The following HAPSTR1 variants were observed in gnomAD, a reference collection of about 807,000 sequenced individuals.
HAPSTR1 encodes the protein HUWE1-associated protein modifying stress responses 1.
At chr16:9,092,803 T>C in the HAPSTR1 span, 28 of 1,099,942 alleles carry the variant, frequency 2.5e-5, no homozygotes, top group South Asian at 4.2e-4. Context: ...TGGCGAAACC[T>C]AATATGGCCG....
At chr16:9,119,786 T>C in the HAPSTR1 span, 1 of 152,242 alleles carries the variant, frequency 6.6e-6, no homozygotes, top group South Asian at 2.1e-4. Context: ...TAAAAAAGAA[T>C]TAGCTTTCTA....
the HAPSTR1 span, among the ~76,000 whole-genome samples, chr16:9,096,343 T>A: frequency 5.3e-5 from 8 of 152,228 alleles, no homozygotes; most frequent in African/African-American, 1.4e-4. Flanking sequence ...TCTGTCTTTT[T>A]AAAAATTTTT....
chr16:9,106,188 C>T, the HAPSTR1 span: 2 of 152,002 alleles, frequency 1.3e-5, no homozygotes. Context: ...GTGGGTGGAT[C>T]ACTTGAGGTC....
chr16:9,092,578 C>T, the HAPSTR1 span, among the ~76,000 whole-genome samples: 3 of 152,136 alleles, frequency 2.0e-5, no homozygotes, highest in South Asian at 2.1e-4. Flanking sequence ...AGGAGGAGCC[C>T]CCGTCACAAA....
chr16:9,092,042 A>C, the HAPSTR1 span: 2 of 1,504,984 alleles, frequency 1.3e-6, no homozygotes, highest in African/African-American at 2.9e-5. Flanking sequence ...GAGGCCGCGG[A>C]GGATGGAGGA....
the HAPSTR1 span, among the ~76,000 whole-genome samples, chr16:9,114,050 T>C: frequency 9.2e-5 from 14 of 152,296 alleles, no homozygotes; most frequent in East Asian, 1.7e-3. Context: ...TGAAAAGATA[T>C]TTTCTATAGG....
chr16:9,115,570 T>G, the HAPSTR1 span, among the ~76,000 whole-genome samples: 1 of 152,152 alleles, frequency 6.6e-6, no homozygotes, highest in Non-Finnish European at 1.5e-5. Flanking sequence ...TGTAAGAGTT[T>G]AAGGAAAGGA....
chr16:9,093,964 T>A, the HAPSTR1 span, among the ~76,000 whole-genome samples: 1 of 152,152 alleles, frequency 6.6e-6, no homozygotes, highest in Non-Finnish European at 1.5e-5. Flanking sequence ...ACTTTGTGCA[T>A]TTCAAAAATA....
chr16:9,117,253 T>C, the HAPSTR1 span: 3 of 227,618 alleles, frequency 1.3e-5, no homozygotes, highest in East Asian at 1.1e-4. Flanking sequence ...TATTTGGTTA[T>C]AGAATGCTTT....
At chr16:9,099,552 A>AT in the HAPSTR1 span, among the ~76,000 whole-genome samples, 2 of 152,158 alleles carry the variant, frequency 1.3e-5, no homozygotes, top group Non-Finnish European at 2.9e-5. Context: ...TTAGATTGAC[A>AT]TTTCAGTGCT....
chr16:9,117,275 G>A, the HAPSTR1 span: 3 of 206,894 alleles, frequency 1.5e-5, no homozygotes, highest in South Asian at 7.4e-5. Context: ...TTTTTTTTTG[G>A]GTCCATTTCC....
the HAPSTR1 span, among the ~76,000 whole-genome samples, chr16:9,114,185 G>A: frequency 1.3e-5 from 2 of 152,106 alleles, no homozygotes; most frequent in Non-Finnish European, 2.9e-5. Flanking sequence ...TTTTGATGGT[G>A]TTGAGTTTGA....
the HAPSTR1 span, chr16:9,093,054 G>A: frequency 6.6e-7 from 1 of 1,520,022 alleles, no homozygotes; most frequent in Admixed American, 1.8e-5. Flanking sequence ...CCTGCGTCAG[G>A]GTGTCTGCCC....
the HAPSTR1 span, chr16:9,120,940 A>G: frequency 1.3e-5 from 2 of 152,172 alleles, no homozygotes; most frequent in African/African-American, 4.8e-5. Context: ...TGCAGGTTAC[A>G]GATTTTTTAT....
the HAPSTR1 span, among the ~76,000 whole-genome samples, chr16:9,115,652 C>T: frequency 3.1e-3 from 466 of 152,216 alleles, 1 homozygote; most frequent in African/African-American, 0.011. Context: ...GACGGAGTTT[C>T]GCTCTTGTCA....
chr16:9,096,504 A>G, the HAPSTR1 span, among the ~76,000 whole-genome samples: 1 of 152,174 alleles, frequency 6.6e-6, no homozygotes, highest in Non-Finnish European at 1.5e-5. Context: ...CCCTCTTTAT[A>G]TGTCTCACTT....
the HAPSTR1 span, chr16:9,104,950 G>T: frequency 6.6e-6 from 1 of 152,074 alleles, no homozygotes; most frequent in African/African-American, 2.4e-5. Context: ...TTCTCTTAAG[G>T]TATCTTTTTA....
chr16:9,120,456 G>C, the HAPSTR1 span: 2 of 152,062 alleles, frequency 1.3e-5, no homozygotes, highest in Non-Finnish European at 2.9e-5. Flanking sequence ...GATGGGATGA[G>C]ATATCCAGGG....
the HAPSTR1 span, chr16:9,109,188 G>T: frequency 6.6e-6 from 1 of 152,144 alleles, no homozygotes; most frequent in African/African-American, 2.4e-5. Context: ...TGGTTACGTT[G>T]TCTGTCTCCT....
Sources: gnomAD v4.1 joint callset for allele counts (sites outside exome capture counted in the v4.1 genomes callset) on GRCh38, gnomAD v4.1.1 for gene constraint, MANE v1.5 for transcripts, NCBI Gene and HGNC (gene_info 2026-07-23, HGNC 2026-07-21) for gene names.